The following PLEKHG1 variants were observed in gnomAD, a reference collection of about 807,000 sequenced individuals.
PLEKHG1 encodes the protein pleckstrin homology and RhoGEF domain containing G1, also known as pleckstrin homology domain-containing family G member 1.
In PLEKHG1, 44 loss-of-function variants were observed where a neutral mutation model predicts 100.8. The ratio of observed to expected loss-of-function variants is 0.44; its 90% confidence interval spans 0.34 to 0.56. The LOEUF (loss-of-function observed/expected upper bound fraction) is 0.56. Ranked by LOEUF, PLEKHG1 falls within the 20% of genes least tolerant of loss-of-function variation. The pLI, the probability that PLEKHG1 is intolerant of heterozygous loss-of-function variation, is 0.01. For synonymous variants in PLEKHG1, 640 were observed against 662.5 expected, an observed-to-expected ratio of 0.97 and a Z score of 0.52; for missense variants, 1,545 against 1,720.9, an observed-to-expected ratio of 0.90 and a Z score of 1.81.
At chr6:150,747,201 T>C (rs974460978) in intron 2 of PLEKHG1, among the ~76,000 whole-genome samples, 7 of 152,198 alleles carry the variant, frequency 4.6e-5, no homozygotes, top group Admixed American at 2.0e-4. Flanking sequence ...AATTATAGAA[T>C]TCAGAAAATT....
rs1778402919 is a variant in PLEKHG1, at chr6:150,644,352, T to TG, written c.-158+6228dup. On this transcript the variant is annotated intron_variant, in intron 2 of 3. Transcript: ENST00000367326. ...TTTTCGTGTTTTTTTTTTTTTTTTT[T>TG]GTTACAGAGTCTCACTCTGTCACCC... 2.0e-5 allele frequency among the ~76,000 whole-genome samples: 3 copies of TG among 148,362 alleles called. No homozygotes were observed. In the South Asian group the frequency reaches 6.5e-4, roughly 32 times the overall value.
intron 3 of PLEKHG1, among the ~76,000 whole-genome samples, chr6:150,686,454 A>G (rs564720839): frequency 6.6e-6 from 1 of 152,354 alleles, no homozygotes; most frequent in South Asian, 2.1e-4. Context: ...AGAAATAGGT[A>G]TGCAGGTACA....
At position 150,625,475 on chromosome 6, in the gene PLEKHG1, C is replaced by A. The variant is rs542551464; in HGVS notation, c.-203-12605C>A. ...GGATTAGGGCTCATCCTAAGGACCTCATTTTACCTTAATCATCTCTCTCTT... is the reference window on the plus strand; with the variant it reads ...GGATTAGGGCTCATCCTAAGGACCTAATTTTACCTTAATCATCTCTCTCTT... On this transcript the variant is annotated intron_variant, in intron 1 of 3. Coordinates refer to the PLEKHG1 transcript ENST00000367326. Among the ~76,000 whole-genome samples the A allele has an allele frequency of 3.3e-5, 5 of 152,140 alleles. No individual in the cohort carries two copies. In the South Asian group the frequency reaches 6.2e-4, roughly 19 times the overall value.
In PLEKHG1 at chr6:150,758,540, G is replaced by T. The variant is rs145685081; in HGVS notation, c.412-10098G>T. Among the ~76,000 whole-genome samples the T allele has an allele frequency of 7.8e-3, 1,195 of 152,266 alleles. 16 individuals carry two copies. The highest frequency in any genetic ancestry group is 0.028 in the African/African-American group (1,160 of 41,560). The stretch of plus-strand genomic sequence containing the variant: ...AGTAGAGATGGGGTTTCACCATGTT[G>T]GTCAGGCTGGTCTCAAACTCCTGAC... On this transcript the variant is annotated intron_variant, in intron 2 of 15. Coordinates refer to ENST00000358517, the Ensembl canonical transcript of PLEKHG1.
chr6:150,682,692 G>T lies in PLEKHG1; in HGVS notation c.-99+31906G>T, dbSNP rs139297855. Among the ~76,000 whole-genome samples the T allele has an allele frequency of 1.6e-3, 237 of 152,292 alleles. 2 individuals are homozygous for T. The highest frequency in any genetic ancestry group is 5.0e-3 in the African/African-American group (206 of 41,570). ...GACCTGAGCAGCCCTTCACACACGG[G>T]AGCAGACCTTGCACCTGCAGGAGGG... On this transcript the variant is annotated intron_variant, in intron 3 of 3. Transcript: ENST00000367326.
intron 4 of PLEKHG1, among the ~76,000 whole-genome samples, chr6:150,788,325 A>G (rs1452388627): frequency 6.6e-6 from 1 of 152,220 alleles, no homozygotes; most frequent in Non-Finnish European, 1.5e-5. Flanking sequence ...AAACACAACC[A>G]GCTGTTCAAC....
intron 1 of PLEKHG1, among the ~76,000 whole-genome samples, chr6:150,620,896 GA>G (rs1157801711): frequency 2.0e-5 from 3 of 152,208 alleles, no homozygotes; most frequent in Non-Finnish European, 4.4e-5. Flanking sequence ...AGATTGGAGA[GA>G]GTCTCTCTTA....
chr6:150,821,080 C>A, intron 12 of PLEKHG1, 115 bp from the exon 14 acceptor site: 1 of 769,136 alleles, frequency 1.3e-6, no homozygotes, highest in South Asian at 1.7e-5. Context: ...AAATTTGATA[C>A]AAAAGTTATA....
intron 4 of PLEKHG1, among the ~76,000 whole-genome samples, chr6:150,786,891 G>A (rs1265005851): frequency 3.3e-5 from 5 of 151,982 alleles, no homozygotes; most frequent in East Asian, 1.9e-4. Context: ...TTAGCCAGGC[G>A]TGGTGGTGTG....
At chr6:150,682,476 G>C (rs1779969257) in intron 3 of PLEKHG1, among the ~76,000 whole-genome samples, 1 of 151,962 alleles carries the variant, frequency 6.6e-6, no homozygotes, top group Non-Finnish European at 1.5e-5. Context: ...TGGGGAAAGG[G>C]CAGTGAAGAC....
At chr6:150,800,734 A>T (rs1323146251) in exon 6 of PLEKHG1, 11 of 1,614,010 alleles carry the variant, frequency 6.8e-6, no homozygotes, top group Non-Finnish European at 9.3e-6. Context: ...TGGCTGTGCT[A>T]ACAGAGTGTA....
In PLEKHG1 at chr6:150,683,311, G is replaced by A. The variant is rs368111461; in HGVS notation, c.-99+32525G>A. Among the ~76,000 whole-genome samples the A allele has an allele frequency of 1.3e-5, 2 of 152,190 alleles. No individual in the cohort carries two copies. The highest frequency in any genetic ancestry group is 2.9e-5 in the Non-Finnish European group (2 of 68,036). The stretch of plus-strand genomic sequence containing the variant: ...ACACTGGTCTTTAAACAGCCTTCAG[G>A]ATGATTCTGGTTTTCTAGATGTGTT... On this transcript the variant is annotated intron_variant, in intron 3 of 3. Coordinates refer to the PLEKHG1 transcript ENST00000367326. This position sits in a 1 kb window ranked among gnomAD's most constrained non-coding sequence, Gnocchi z 4.0.
chr6:150,602,345 C>G (rs2128549034), intron 1 of PLEKHG1, among the ~76,000 whole-genome samples: 1 of 152,308 alleles, frequency 6.6e-6, no homozygotes. Flanking sequence ...CAGAAGGGCT[C>G]TTGGATGACC....
At chr6:150,724,552 CTT>C in intron 1 of PLEKHG1, among the ~76,000 whole-genome samples, 1 of 100,944 alleles carries the variant, frequency 9.9e-6, no homozygotes, top group African/African-American at 5.0e-5. Context: ...TTTCTTTTTT[CTT>C]TTTCTTTTTT....
intron 3 of PLEKHG1, among the ~76,000 whole-genome samples, chr6:150,677,285 T>TACACAC (rs34821237): frequency 5.3e-5 from 8 of 150,458 alleles, no homozygotes; most frequent in African/African-American, 9.8e-5. Flanking sequence ...TCTTCCCCTA[T>TACACAC]ACACACACAC....
At chr6:150,642,088 A>G (rs1778293798) in intron 2 of PLEKHG1, among the ~76,000 whole-genome samples, 1 of 152,198 alleles carries the variant, frequency 6.6e-6, no homozygotes, top group African/African-American at 2.4e-5. Flanking sequence ...ATCTCCTAAA[A>G]TATTAGTTTA....
At chr6:150,786,951 C>G (rs898850561) in intron 4 of PLEKHG1, among the ~76,000 whole-genome samples, 3 of 150,668 alleles carry the variant, frequency 2.0e-5, no homozygotes, top group Non-Finnish European at 4.4e-5. Context: ...TCACTTGAGC[C>G]CAGGAGGCGG....
At chr6:150,720,842 T>G (rs951866052), upstream of PLEKHG1, among the ~76,000 whole-genome samples, 1 of 152,146 alleles carries the variant, frequency 6.6e-6, no homozygotes, top group African/African-American at 2.4e-5. Flanking sequence ...TGGGTTGTAT[T>G]TGATGTTCAC....
At chr6:150,833,975 G>A (rs1336937793) in intron 15 of PLEKHG1, among the ~76,000 whole-genome samples, 2 of 152,138 alleles carry the variant, frequency 1.3e-5, no homozygotes, top group Non-Finnish European at 2.9e-5. Context: ...AATCTTAAAT[G>A]AATGCACAAG....
Sources: allele counts gnomAD v4.1 joint callset (sites outside exome capture counted in the v4.1 genomes callset), GRCh38; gene constraint gnomAD v4.1.1; non-coding constraint Gnocchi (gnomAD v3.1); transcripts MANE v1.5; gene names NCBI Gene and HGNC (gene_info 2026-07-23, HGNC 2026-07-21).